The following KIF1A variants were observed in gnomAD, a reference collection of about 807,000 sequenced individuals.
KIF1A encodes kinesin-like protein KIF1A.
KIF1A carries 46 observed loss-of-function variants against 227.3 expected under a neutral mutation model. The observed-to-expected ratio is 0.20, with a 90% CI of 0.16 to 0.26. The LOEUF (loss-of-function observed/expected upper bound fraction) is 0.26, where lower values mean the gene tolerates loss of function less well. Among genes scored for constraint, KIF1A ranks in the 10% least tolerant of loss-of-function variants. KIF1A has a pLI of 1.00. For missense variants in KIF1A, 1,683 were observed against 2,485.9 expected, an observed-to-expected ratio of 0.68 and a Z score of 6.87; for synonymous variants, 1,022 against 1,012.8, an observed-to-expected ratio of 1.01 and a Z score of -0.17.
rs75875961 is a variant in KIF1A at position 240,786,984 on chromosome 2, C to T, written c.429+267G>A. On this transcript the variant is annotated intron_variant, in intron 5 of 48. Transcript: ENST00000498729. ...CCCAGCCACGGCAGGCATGGCCAGG[C>T]CCTGAGCTCTGAGGCACCTGCCCAT... Among the ~76,000 whole-genome samples, 15,856 of 152,204 alleles carry T rather than the reference C, an allele frequency of 0.1. 1,013 individuals are homozygous for T. Among genetic ancestry groups the T allele is most frequent in the Non-Finnish European group, 0.14 (9,517 of 67,972 alleles).
intron 28 of KIF1A, among the ~76,000 whole-genome samples, chr2:240,748,162 C>G (rs1250150549): frequency 6.6e-6 from 1 of 152,208 alleles, no homozygotes; most frequent in African/African-American, 2.4e-5. Flanking sequence ...AGTCTGGTTT[C>G]CCAGTATATG....
In KIF1A at chr2:240,726,733, T is replaced by C. The variant is rs1367861831; in HGVS notation, c.4122+93A>G. 2.6e-5 allele frequency: 17 copies of C among 650,144 alleles called. No homozygotes were observed. In the East Asian group the frequency reaches 4.6e-4, roughly 18 times the overall value. 40.3% of individuals were successfully genotyped at this position (650,144 alleles called of 1,614,324 possible). A position where few individuals can be genotyped will look rare whatever the true frequency, so the allele number is the denominator to read the frequency against. Reference sequence around the variant, plus strand: ...AGGGACTTGAGAACTAGAGAAGTCGTCTGGGTCATATGGGGTTGTCCAGAG... The same window carrying C: ...AGGGACTTGAGAACTAGAGAAGTCGCCTGGGTCATATGGGGTTGTCCAGAG... On this transcript the variant is annotated intron_variant, in intron 39 of 48. Coordinates refer to ENST00000498729, the MANE Select transcript of KIF1A (RefSeq NM_001244008.2). The surrounding 1 kb of genome is among the most constrained non-coding windows in gnomAD (Gnocchi z 5.2).
intron 33 of KIF1A, 140 bp from the exon 34 acceptor site, chr2:240,743,124 G>A: frequency 3.0e-6 from 2 of 655,872 alleles, no homozygotes; most frequent in South Asian, 2.6e-5. Flanking sequence ...ACCAGCTTGG[G>A]TGGGAGGAAG....
intron 10 of KIF1A, among the ~76,000 whole-genome samples, chr2:240,780,522 C>G (rs539769782): frequency 3.2e-4 from 48 of 152,156 alleles, no homozygotes; most frequent in South Asian, 1.7e-3. Flanking sequence ...CATACTTTCC[C>G]GTAGCTGCAC....
Position 240,778,037 on chromosome 2 carries a change from C to T in KIF1A, c.883-2111G>A, listed in dbSNP as rs1472036671. Among the ~76,000 whole-genome samples the T allele has an allele frequency of 3.9e-5, 6 of 152,166 alleles. No individual in the cohort carries two copies. Among genetic ancestry groups the T allele is most frequent in the Non-Finnish European group, 4.4e-5 (3 of 68,022 alleles). ...ACGGTTCCCACGCGGCTGCTCGCAG[C>T]TCACCACACAGTTCCTCAGCTCCTC... On this transcript the variant is annotated intron_variant, in intron 10 of 48. Coordinates refer to ENST00000498729, the MANE Select transcript of KIF1A (RefSeq NM_001244008.2). The surrounding 1 kb of genome is among the most constrained non-coding windows in gnomAD (Gnocchi z 7.2).
At position 240,790,357 on chromosome 2, in the gene KIF1A, C is replaced by G. The variant is rs986945872; in HGVS notation, c.107-1045G>C. Among the ~76,000 whole-genome samples the G allele has an allele frequency of 3.3e-5, 5 of 151,994 alleles. No individual in the cohort carries two copies. Among genetic ancestry groups the G allele is most frequent in the African/African-American group, 4.8e-5 (2 of 41,402 alleles). ...AACCTGAAGAACGAAGCCCTCATGG[C>G]ACCGTCCTATGCTTGGAGATGAAGG... On this transcript the variant is annotated intron_variant, in intron 2 of 48. Transcript: ENST00000498729. This position sits in a 1 kb window ranked among gnomAD's most constrained non-coding sequence, Gnocchi z 5.0.
At chr2:240,807,037 C>A (rs575031836) in intron 1 of KIF1A, among the ~76,000 whole-genome samples, 3 of 150,314 alleles carry the variant, frequency 2.0e-5, no homozygotes, top group African/African-American at 4.9e-5. Context: ...CTCATATGAG[C>A]TGGTGTACTA....
intron 37 of KIF1A, 40 bp from the exon 38 acceptor site, chr2:240,737,208 G>T (rs1305794272): frequency 2.6e-6 from 4 of 1,540,362 alleles, no homozygotes; most frequent in Non-Finnish European, 3.6e-6. Flanking sequence ...CTTCCCAGGG[G>T]GCAGGTGGGA....
intron 5 of KIF1A, 121 bp downstream of exon 5, chr2:240,787,130 T>C: frequency 1.3e-6 from 1 of 798,402 alleles, no homozygotes; most frequent in Non-Finnish European, 2.1e-6. Flanking sequence ...CTTGGATGAG[T>C]GAGGGACAAG....
chr2:240,815,303 C>A (rs190055193), intron 1 of KIF1A, among the ~76,000 whole-genome samples: 9 of 152,216 alleles, frequency 5.9e-5, no homozygotes, highest in South Asian at 2.1e-4. Flanking sequence ...AACTGAGGCC[C>A]ACCCTCAGGT....
In KIF1A at chr2:240,717,160, A is replaced by C; in HGVS notation, c.*204T>G. The stretch of plus-strand genomic sequence containing the variant: ...TTGTTCCACCAGAGCACATTCTGCA[A>C]GAAGAACTGACACGCACAGCCTCTG... On this transcript the variant is annotated 3_prime_UTR_variant, in exon 49 of 49. Transcript: ENST00000498729. 1.9e-6 allele frequency: 1 copy of C among 514,634 alleles called. No homozygotes were observed. Among genetic ancestry groups the C allele is most frequent in the Non-Finnish European group, 3.5e-6 (1 of 289,792 alleles). 31.9% of individuals were successfully genotyped at this position (514,634 alleles called of 1,614,324 possible).
intron 1 of KIF1A, 27 bp from the exon 2 acceptor site, chr2:240,797,839 G>T (rs1460125611): frequency 1.2e-6 from 1 of 803,440 alleles, no homozygotes; most frequent in Non-Finnish European, 2.0e-6. Context: ...ACATGAATTA[G>T]AAACAATATC....
At chr2:240,744,210 A>G (rs917078724) in intron 32 of KIF1A, 150 bp from the exon 33 acceptor site, 3 of 615,190 alleles carry the variant, frequency 4.9e-6, no homozygotes, top group African/African-American at 3.7e-5. Flanking sequence ...AGCCTCCTCT[A>G]GGCCCTTCAG....
At chr2:240,784,236 G>T (rs2126057325) in intron 7 of KIF1A, among the ~76,000 whole-genome samples, 2 of 152,318 alleles carry the variant, frequency 1.3e-5, no homozygotes, top group South Asian at 4.1e-4. Context: ...GGCCATGGCT[G>T]CACCTAGCGA....
Position 240,721,047 on chromosome 2 carries a change from G to A in KIF1A, c.4744-9C>T, listed in dbSNP as rs760129690. 4 of 1,611,770 alleles carry A rather than the reference G, an allele frequency of 2.5e-6. No individual in the cohort carries two copies. In the East Asian group the frequency reaches 6.7e-5, roughly 27 times the overall value. ...ACAGACATCTCGGAGAGCTGCGGAG[G>A]AGAGGCCTTTTTCAGGGGACACAGG... On this transcript the variant is annotated splice_polypyrimidine_tract_variant and intron_variant, in intron 44 of 48. Coordinates refer to ENST00000498729, the MANE Select transcript of KIF1A (RefSeq NM_001244008.2).
chr2:240,746,711 T>C (rs2125798437), intron 29 of KIF1A, among the ~76,000 whole-genome samples: 1 of 152,228 alleles, frequency 6.6e-6, no homozygotes, highest in African/African-American at 2.4e-5. Flanking sequence ...GGGGTGCACT[T>C]TGGGGACCTT....
chr2:240,768,400 G>A (rs767494383), intron 17 of KIF1A, among the ~76,000 whole-genome samples: 5 of 152,214 alleles, frequency 3.3e-5, no homozygotes, highest in Admixed American at 6.5e-5. Context: ...ACCTCAGCGC[G>A]TGCTGGGCCG....
intron 38 of KIF1A, chr2:240,728,548 G>A: frequency 3.9e-6 from 2 of 511,084 alleles, no homozygotes; most frequent in South Asian, 3.2e-5. Context: ...CGGCCCCCAG[G>A]CTCTCGCTGC....
At chr2:240,761,406 G>C (rs371777113) in intron 23 of KIF1A, 29 bp from the exon 24 acceptor site, 2 of 1,551,518 alleles carry the variant, frequency 1.3e-6, no homozygotes, top group Non-Finnish European at 1.7e-6. Context: ...CGTGGTCATC[G>C]CAGGAAGGCC....
Sources: gnomAD v4.1 joint callset for allele counts (sites outside exome capture counted in the v4.1 genomes callset) on GRCh38, gnomAD v4.1.1 for gene constraint, Gnocchi (gnomAD v3.1) non-coding constraint, MANE v1.5 for transcripts, NCBI Gene and HGNC (gene_info 2026-07-23, HGNC 2026-07-21) for gene names.